CEP63: variants seen among roughly 807,000 people sequenced by gnomAD.
CEP63 encodes centrosomal protein of 63 kDa.
Under a neutral mutation model 89.1 loss-of-function variants are expected in CEP63, and 84 were observed. The ratio of observed to expected loss-of-function variants is 0.94; its 90% CI spans 0.79 to 1.13. CEP63 has a LOEUF of 1.13. Ranked by LOEUF, CEP63 falls within the 50% of genes most tolerant of loss-of-function variation. CEP63 has a pLI of 0.00. For synonymous variants in CEP63, 267 were observed against 272.5 expected, an observed-to-expected ratio of 0.98 and a Z score of 0.20; for missense variants, 838 against 813.3, an observed-to-expected ratio of 1.03 and a Z score of -0.37.
the CEP63 span, among the ~76,000 whole-genome samples, chr3:134,634,326 T>C: frequency 6.6e-6 from 1 of 152,046 alleles, no homozygotes; most frequent in Non-Finnish European, 1.5e-5. Flanking sequence ...ATGGGAGGAC[T>C]CCCACTCTTT....
the CEP63 span, among the ~76,000 whole-genome samples, chr3:134,714,654 C>T: frequency 3.0e-4 from 45 of 152,356 alleles, no homozygotes; most frequent in South Asian, 6.0e-3. Flanking sequence ...CCATCATGTG[C>T]TGGTAGCAGA....
chr3:134,612,041 G>T, the CEP63 span, among the ~76,000 whole-genome samples: 1 of 152,202 alleles, frequency 6.6e-6, no homozygotes, highest in Non-Finnish European at 1.5e-5. Flanking sequence ...TGCATGCAAT[G>T]ATGAGGTGTT....
chr3:134,766,680 AG>A, the CEP63 span, among the ~76,000 whole-genome samples: 2 of 152,352 alleles, frequency 1.3e-5, no homozygotes, highest in Middle Eastern at 3.4e-3. Flanking sequence ...AACAGTCACA[AG>A]GTTTGTGCAG....
the CEP63 span, among the ~76,000 whole-genome samples, chr3:134,635,493 TAA>T: frequency 2.5e-5 from 2 of 79,350 alleles, no homozygotes; most frequent in Admixed American, 3.7e-4. Flanking sequence ...CGAGACTCTG[TAA>T]AAAAAAAAAA....
At chr3:134,769,471 G>A in the CEP63 span, among the ~76,000 whole-genome samples, 2 of 152,200 alleles carry the variant, frequency 1.3e-5, no homozygotes, top group African/African-American at 2.4e-5. Flanking sequence ...AAGACTGCAT[G>A]TGAAACCAAT....
the CEP63 span, among the ~76,000 whole-genome samples, chr3:134,741,640 C>G: frequency 6.6e-6 from 1 of 152,228 alleles, no homozygotes; most frequent in Non-Finnish European, 1.5e-5. Context: ...TAGATTTAAA[C>G]AATCGTGTCC....
chr3:134,501,745 T>C (rs1426571628), intron 2 of CEP63, among the ~76,000 whole-genome samples: 3 of 152,224 alleles, frequency 2.0e-5, no homozygotes, highest in African/African-American at 7.2e-5. Context: ...CTTTAGGGTT[T>C]TCTAGGTAAA....
chr3:134,557,092 T>C (rs1956319824), intron 12 of CEP63, among the ~76,000 whole-genome samples: 1 of 152,178 alleles, frequency 6.6e-6, no homozygotes, highest in Admixed American at 6.5e-5. Context: ...TTGGGTTAAA[T>C]GTCTATTTTA....
At chr3:134,695,287 T>G in the CEP63 span, among the ~76,000 whole-genome samples, 3 of 152,214 alleles carry the variant, frequency 2.0e-5, no homozygotes, top group Non-Finnish European at 2.9e-5. Context: ...AAATCCCATT[T>G]CCTTTGAAAC....
intron 2 of CEP63, among the ~76,000 whole-genome samples, chr3:134,498,245 A>G (rs1272496009): frequency 1.3e-5 from 2 of 151,726 alleles, no homozygotes; most frequent in Non-Finnish European, 2.9e-5. Flanking sequence ...TTAGTGTTTC[A>G]TAGTTTTCTT....
intron 12 of CEP63, among the ~76,000 whole-genome samples, chr3:134,554,078 TA>T (rs1955544566): frequency 6.6e-6 from 1 of 152,240 alleles, no homozygotes; most frequent in Admixed American, 6.5e-5. Context: ...ATTTTATTTT[TA>T]TTTTTTTCCT....
the CEP63 span, among the ~76,000 whole-genome samples, chr3:134,716,978 C>T: frequency 1.3e-5 from 2 of 152,182 alleles, no homozygotes; most frequent in African/African-American, 2.4e-5. Flanking sequence ...TGAAGGGCAA[C>T]CTGGCTGCCA....
chr3:134,650,961 G>T, the CEP63 span: 1 of 1,613,160 alleles, frequency 6.2e-7, no homozygotes, highest in Non-Finnish European at 8.5e-7. Flanking sequence ...TCAGCTCCAT[G>T]ATGCCGCCTC....
chr3:134,628,137 C>T, the CEP63 span: 3 of 366,264 alleles, frequency 8.2e-6, no homozygotes, highest in African/African-American at 4.1e-5. Flanking sequence ...GTGTTCCTGC[C>T]CTCTTTTGGA....
the CEP63 span, among the ~76,000 whole-genome samples, chr3:134,658,319 C>T: frequency 6.6e-6 from 1 of 152,076 alleles, no homozygotes; most frequent in East Asian, 1.9e-4. Flanking sequence ...AATTCATATC[C>T]TTAGTTCCTT....
At chr3:134,510,893 C>A (rs1361143824) in intron 3 of CEP63, 12 of 204,270 alleles carry the variant, frequency 5.9e-5, no homozygotes, top group African/African-American at 2.1e-4. Context: ...GCAGGCAGCA[C>A]CCCCCCAAGA....
At chr3:134,525,434 G>A (rs1277032714) in intron 3 of CEP63, among the ~76,000 whole-genome samples, 2 of 152,060 alleles carry the variant, frequency 1.3e-5, no homozygotes, top group African/African-American at 4.8e-5. Flanking sequence ...ATGTGAGATG[G>A]GTCTCTTGAA....
chr3:134,540,991 A>T (rs1333084176), intron 6 of CEP63, among the ~76,000 whole-genome samples: 1 of 152,000 alleles, frequency 6.6e-6, no homozygotes, highest in South Asian at 2.1e-4. Context: ...CATGTTGGCC[A>T]TGTTGGTCTT....
the CEP63 span, among the ~76,000 whole-genome samples, chr3:134,619,559 C>A: frequency 2.0e-5 from 3 of 152,152 alleles, no homozygotes; most frequent in African/African-American, 7.2e-5. Context: ...TCTGCTAATC[C>A]CCACCACACA....
Sources: gnomAD v4.1 joint callset for allele counts (sites outside exome capture counted in the v4.1 genomes callset) on GRCh38, gnomAD v4.1.1 for gene constraint, MANE v1.5 for transcripts, NCBI Gene and HGNC (gene_info 2026-07-23, HGNC 2026-07-21) for gene names.